Variants in GPC6 observed in about 807,000 individuals in gnomAD.
The protein encoded by GPC6 is glypican 6.
GPC6 carries 14 observed loss-of-function variants against 55.2 expected under a neutral mutation model. The observed-to-expected ratio is 0.25, with a 90% CI of 0.17 to 0.40. The LOEUF is 0.40. GPC6 is among the 10% of genes least tolerant of loss of function. The probability of loss-of-function intolerance (pLI) is 1.00; values close to 1 mark genes in which losing one functional copy is unlikely to be tolerated. For missense variants in GPC6, 641 were observed against 708.5 expected, an observed-to-expected ratio of 0.90 and a Z score of 1.08; for synonymous variants, 278 against 259.6, an observed-to-expected ratio of 1.07 and a Z score of -0.68.
At position 94,268,907 on chromosome 13, in the gene GPC6, G is replaced by A. The variant is rs9634636; in HGVS notation, c.878-17442G>A. Among the ~76,000 whole-genome samples, 2,027 of 152,184 alleles carry A rather than the reference G, an allele frequency of 0.013. 101 individuals are homozygous for A. The East Asian group carries it at 0.2, about 15-fold the overall frequency. ...GCCTCTTGAGTATGGACATTTTAAC[G>A]TACTTACTAGTGTTTAGAAGCAGAG... is the stretch of plus-strand genomic sequence containing the variant. On this transcript the variant is annotated intron_variant, in intron 4 of 8. Transcript: ENST00000377047.
At chr13:93,899,225 G>A (rs993546193) in intron 3 of GPC6, among the ~76,000 whole-genome samples, 1 of 151,784 alleles carries the variant, frequency 6.6e-6, no homozygotes, top group Non-Finnish European at 1.5e-5. Context: ...TGTGCAAAAA[G>A]CACTTCATAG....
intron 4 of GPC6, among the ~76,000 whole-genome samples, chr13:94,203,608 C>T (rs1409240817): frequency 6.6e-6 from 1 of 152,012 alleles, no homozygotes; most frequent in Non-Finnish European, 1.5e-5. Context: ...CTTATGTTGG[C>T]AGTCCCTCCA....
At chr13:93,823,162 C>T (rs1006257360) in intron 2 of GPC6, among the ~76,000 whole-genome samples, 3 of 151,932 alleles carry the variant, frequency 2.0e-5, no homozygotes, top group East Asian at 1.9e-4. Context: ...CATGCCTGGC[C>T]GAAAATTACT....
At chr13:93,773,810 G>A (rs918038317) in intron 2 of GPC6, among the ~76,000 whole-genome samples, 1 of 152,136 alleles carries the variant, frequency 6.6e-6, no homozygotes, top group Non-Finnish European at 1.5e-5. Flanking sequence ...ATTGCCATTG[G>A]CTATACTGGC....
At chr13:93,732,716 C>G (rs1355387856) in intron 2 of GPC6, among the ~76,000 whole-genome samples, 3 of 152,052 alleles carry the variant, frequency 2.0e-5, no homozygotes, top group Non-Finnish European at 2.9e-5. Flanking sequence ...AGATGTGTCA[C>G]TAGATTTTGT....
intron 5 of GPC6, among the ~76,000 whole-genome samples, chr13:94,301,864 C>T (rs1875669301): frequency 6.6e-6 from 1 of 152,216 alleles, no homozygotes; most frequent in African/African-American, 2.4e-5. Context: ...ACCTATGGCC[C>T]TATCCATCAC....
At chr13:93,679,799 G>A (rs1357116354) in intron 2 of GPC6, among the ~76,000 whole-genome samples, 4 of 149,802 alleles carry the variant, frequency 2.7e-5, no homozygotes, top group African/African-American at 9.9e-5. Flanking sequence ...TGTTCACCAA[G>A]TATAATTTAT....
At chr13:94,155,750 G>C (rs979683796) in intron 4 of GPC6, among the ~76,000 whole-genome samples, 3 of 152,092 alleles carry the variant, frequency 2.0e-5, no homozygotes, top group Admixed American at 2.0e-4. Flanking sequence ...TTTCCATTTA[G>C]GATAAAGTCC....
intron 1 of GPC6, among the ~76,000 whole-genome samples, chr13:93,228,491 A>C (rs893432398): frequency 1.3e-5 from 2 of 151,582 alleles, no homozygotes; most frequent in African/African-American, 4.8e-5. Context: ...GAGAGCGCCC[A>C]CCCTTTCTCT....
chr13:93,314,039 G>A (rs1414758276), intron 1 of GPC6, among the ~76,000 whole-genome samples: 2 of 152,100 alleles, frequency 1.3e-5, no homozygotes, highest in Admixed American at 6.6e-5. Flanking sequence ...TTTTAAGTTT[G>A]AAGTTAGATG....
chr13:93,389,831 T>C (rs529550308), intron 1 of GPC6, among the ~76,000 whole-genome samples: 3 of 152,082 alleles, frequency 2.0e-5, no homozygotes, highest in Non-Finnish European at 4.4e-5. Context: ...AGCCCTCTAA[T>C]TTAGAAGGAT....
intron 2 of GPC6, among the ~76,000 whole-genome samples, chr13:93,722,816 C>T (rs1220431302): frequency 6.6e-6 from 1 of 151,752 alleles, no homozygotes; most frequent in Non-Finnish European, 1.5e-5. Context: ...CTTGGTATTC[C>T]TCGACTTGTA....
intron 6 of GPC6, among the ~76,000 whole-genome samples, chr13:94,358,121 C>A (rs796468353): frequency 6.6e-6 from 1 of 151,942 alleles, no homozygotes; most frequent in Non-Finnish European, 1.5e-5. Flanking sequence ...GAAACCCCAT[C>A]TCTACTAAAA....
chr13:93,511,726 T>A (rs1160545914), intron 1 of GPC6, among the ~76,000 whole-genome samples: 1 of 152,124 alleles, frequency 6.6e-6, no homozygotes, highest in Non-Finnish European at 1.5e-5. Context: ...GTTATTTTGA[T>A]AGAGATTGCA....
chr13:93,421,548 T>C (rs1311117827), intron 1 of GPC6, among the ~76,000 whole-genome samples: 1 of 152,186 alleles, frequency 6.6e-6, no homozygotes, highest in Non-Finnish European at 1.5e-5. Flanking sequence ...CTATATACAT[T>C]GGGAATATCC....
chr13:93,793,758 G>T (rs1209097711), intron 2 of GPC6, among the ~76,000 whole-genome samples: 2 of 152,044 alleles, frequency 1.3e-5, no homozygotes, highest in African/African-American at 2.4e-5. Context: ...CTAAGCTATA[G>T]AATTATTTCA....
intron 3 of GPC6, among the ~76,000 whole-genome samples, chr13:93,932,762 G>T (rs948032930): frequency 6.6e-6 from 1 of 152,020 alleles, no homozygotes; most frequent in Non-Finnish European, 1.5e-5. Context: ...CGTGGACATA[G>T]GAATCAGAAA....
intron 1 of GPC6, among the ~76,000 whole-genome samples, chr13:93,340,789 A>ATT (rs144145258): frequency 2.0e-5 from 3 of 151,776 alleles, no homozygotes; most frequent in East Asian, 1.9e-4. Flanking sequence ...ATTTATTTTT[A>ATT]TTTTTTTTAT....
rs1876732579 is a variant in GPC6, at chr13:93,250,062, T to A, written c.160+22446T>A. ...GATACTTGCTGTGGTGCAGTGGCTTTGACTCCTGGCTCCTCTACTTAGCCT... is the reference window on the plus strand; with the variant it reads ...GATACTTGCTGTGGTGCAGTGGCTTAGACTCCTGGCTCCTCTACTTAGCCT... On this transcript the variant is annotated intron_variant, in intron 1 of 8. Coordinates refer to ENST00000377047, the MANE Select transcript of GPC6 (RefSeq NM_005708.5). Among the ~76,000 whole-genome samples, 4 of 152,180 alleles carry A rather than the reference T, an allele frequency of 2.6e-5. No homozygotes were observed. In the South Asian group the frequency reaches 8.3e-4, roughly 31 times the overall value.
Sources: allele counts gnomAD v4.1 joint callset (sites outside exome capture counted in the v4.1 genomes callset), GRCh38; gene constraint gnomAD v4.1.1; transcripts MANE v1.5; gene names NCBI Gene and HGNC (gene_info 2026-07-23, HGNC 2026-07-21).